DDX39B: variants seen among roughly 807,000 people sequenced by gnomAD.
The protein encoded by DDX39B is DExD-box helicase 39B.
In DDX39B, 6 loss-of-function variants were observed where a neutral mutation model predicts 46.4. The observed-to-expected ratio is 0.13, with a 90% CI of 0.07 to 0.26. The LOEUF is 0.26. DDX39B is among the 10% of genes least tolerant of loss of function. The pLI is 1.00. For synonymous variants in DDX39B, 174 were observed against 199.4 expected, an observed-to-expected ratio of 0.87 and a Z score of 1.07; for missense variants, 185 against 553.4, an observed-to-expected ratio of 0.33 and a Z score of 6.68.
chr6:31,536,255 T>A, intron 5 of DDX39B: 1 of 608,528 alleles, frequency 1.6e-6, no homozygotes. Context: ...TGATGACTTA[T>A]GCCTAAAATT....
At chr6:31,540,765 T>G (rs1315531532) in intron 1 of DDX39B, 101 bp from the exon 2 acceptor site, 1 of 574,012 alleles carries the variant, frequency 1.7e-6, no homozygotes, top group Admixed American at 3.1e-5. Flanking sequence ...AGGAAACTTT[T>G]ACCTGGAAAG....
chr6:31,538,468 A>C (rs1180891102), intron 4 of DDX39B, among the ~76,000 whole-genome samples: 1 of 152,188 alleles, frequency 6.6e-6, no homozygotes, highest in African/African-American at 2.4e-5. Flanking sequence ...AGAATCCTCA[A>C]TATTCACACA....
At chr6:31,540,200 C>T in intron 2 of DDX39B, 122 bp downstream of exon 2, 11 of 1,102,460 alleles carry the variant, frequency 1.0e-5, no homozygotes, top group South Asian at 5.7e-5. Flanking sequence ...TGAGCCACTG[C>T]ACCTGGCCCT....
intron 1 of DDX39B, chr6:31,540,975 G>A (rs940546585): frequency 8.3e-5 from 35 of 423,334 alleles, no homozygotes; most frequent in African/African-American, 6.8e-4. Flanking sequence ...GATAATAAAA[G>A]GTAAAATACG....
At position 31,531,176 on chromosome 6, in the gene DDX39B, A is replaced by G; in HGVS notation, c.999T>C (p.Phe333=). 6.2e-7 allele frequency: 1 copy of G among 1,614,222 alleles called. No individual in the cohort carries two copies. The highest frequency in any genetic ancestry group is 1.1e-5 in the South Asian group (1 of 91,082). The part of the protein sequence containing the change: ...QEERLSRYQQ[F]KDFQRRILVA... Reference sequence around the variant, plus strand: ...CAAGAATTCGTCGTTGAAAATCTTTAAACTGCTGATACCGAGAAAGCCTTT... The same window carrying G: ...CAAGAATTCGTCGTTGAAAATCTTTGAACTGCTGATACCGAGAAAGCCTTT... The change falls in exon 9 of 11, where the codon TTT becomes TTC. Residue 333 remains phenylalanine (F), a synonymous_variant. Transcript: ENST00000396172. The surrounding 1 kb of genome is among the most constrained non-coding windows in gnomAD (Gnocchi z 5.8).
chr6:31,536,754 C>T (rs1767825527), intron 4 of DDX39B, 71 bp from the exon 5 acceptor site: 3 of 1,536,712 alleles, frequency 2.0e-6, no homozygotes, highest in Non-Finnish European at 2.6e-6. Context: ...GGTTCCCACT[C>T]TGTTTGAGCT....
At position 31,539,004 on chromosome 6, in the gene DDX39B, A is replaced by C. The variant is rs112327138; in HGVS notation, c.339+143T>G. On this transcript the variant is annotated intron_variant, in intron 3 of 10. Coordinates refer to ENST00000396172, the MANE Select transcript of DDX39B (RefSeq NM_004640.7). ...TCATGAACCCCACGCTTGCGACAGAACATCCCCCACAGCTGTCAGGTTGTC... is the reference window on the plus strand; with the variant it reads ...TCATGAACCCCACGCTTGCGACAGACCATCCCCCACAGCTGTCAGGTTGTC... 4,602 of 1,509,934 alleles carry C rather than the reference A, an allele frequency of 3.0e-3. 30 individuals carry two copies. The highest frequency in any genetic ancestry group is 2.7e-3 in the Non-Finnish European group (2,881 of 1,086,258). The allele number at this position is 1,509,934 out of a possible 1,614,324, so 93.5% of individuals were successfully genotyped here.
chr6:31,541,737 G>A lies in DDX39B; in HGVS notation c.-133+213C>T, dbSNP rs965274742. Reference sequence around the variant, plus strand: ...AGCAAAACGAACACAATGGCGCCGAGGACACCATCTTGGATTGGGTCCCCC... The same window carrying A: ...AGCAAAACGAACACAATGGCGCCGAAGACACCATCTTGGATTGGGTCCCCC... On this transcript the variant is annotated intron_variant, in intron 1 of 10. Transcript: ENST00000396172. 2.1e-5 allele frequency: 13 copies of A among 618,270 alleles called. No individual in the cohort carries two copies. In the African/African-American group the frequency reaches 2.2e-4, roughly 10 times the overall value. 38.3% of individuals were successfully genotyped at this position (618,270 alleles called of 1,614,324 possible). A position where few individuals can be genotyped will look rare whatever the true frequency, so the allele number is the denominator to read the frequency against.
chr6:31,537,989 C>T (rs1159102005), intron 4 of DDX39B, among the ~76,000 whole-genome samples: 3 of 151,734 alleles, frequency 2.0e-5, no homozygotes, highest in Non-Finnish European at 2.9e-5. Context: ...GAGCTGAGAT[C>T]GCGCCACTAC....
At chr6:31,539,889 G>A (rs1231157533) in intron 2 of DDX39B, among the ~76,000 whole-genome samples, 1 of 152,220 alleles carries the variant, frequency 6.6e-6, no homozygotes, top group African/African-American at 2.4e-5. Flanking sequence ...AGACCTGGAA[G>A]TCACTTTTGG....
chr6:31,537,950 G>A (rs540350959), intron 4 of DDX39B, among the ~76,000 whole-genome samples: 30 of 152,058 alleles, frequency 2.0e-4, no homozygotes, highest in Non-Finnish European at 3.5e-4. Context: ...CGGGAGAATC[G>A]CTTGAACGTG....
intron 4 of DDX39B, among the ~76,000 whole-genome samples, chr6:31,538,511 T>C (rs1742822616): frequency 6.6e-6 from 1 of 152,198 alleles, no homozygotes; most frequent in Non-Finnish European, 1.5e-5. Context: ...TCCGGCTTTC[T>C]CTGCCACATA....
At chr6:31,540,205 G>T in intron 2 of DDX39B, 117 bp downstream of exon 2, 1 of 1,148,366 alleles carries the variant, frequency 8.7e-7, no homozygotes, top group African/African-American at 1.5e-5. Context: ...CACTGCACCT[G>T]GCCCTGATCT....
At chr6:31,538,704 G>A in intron 4 of DDX39B, 59 bp downstream of exon 4, 2 of 1,484,494 alleles carry the variant, frequency 1.3e-6, no homozygotes, top group Non-Finnish European at 1.8e-6. Context: ...TGGCCTACAA[G>A]TTTCTTATCC....
chr6:31,537,049 T>C (rs1345527856), intron 4 of DDX39B, among the ~76,000 whole-genome samples: 3 of 152,072 alleles, frequency 2.0e-5, no homozygotes, highest in Non-Finnish European at 1.5e-5. Context: ...AGGCAGAGGT[T>C]GTGGTGAGCC....
intron 4 of DDX39B, among the ~76,000 whole-genome samples, chr6:31,538,060 A>G (rs542059269): frequency 6.6e-6 from 1 of 152,204 alleles, no homozygotes; most frequent in Non-Finnish European, 1.5e-5. Flanking sequence ...AAAATAAAAT[A>G]AAATAACTAA....
chr6:31,539,377 TCTAGTATTTACC>T, intron 2 of DDX39B, 103 bp from the exon 3 acceptor site: 1 of 1,514,922 alleles, frequency 6.6e-7, no homozygotes, highest in Non-Finnish European at 8.9e-7. Flanking sequence ...ATTCTCAAAG[TCTAGTATTTACC>T]TGGTTCTTGC....
Position 31,530,533 on chromosome 6 carries a change from T to C in DDX39B, c.1271-83A>G, listed in dbSNP as rs1030076527. 6.4e-7 allele frequency: 1 copy of C among 1,574,214 alleles called. No individual in the cohort carries two copies. On this transcript the variant is annotated intron_variant, in intron 10 of 10. Coordinates refer to ENST00000396172, the MANE Select transcript of DDX39B (RefSeq NM_004640.7). This position sits in a 1 kb window ranked among gnomAD's most constrained non-coding sequence, Gnocchi z 4.5. ...GAACACACGGCACACATGCAGACAC[T>C]GGTGTACTGCCTGGGTTCAGAGGAC...
In DDX39B at chr6:31,535,501, A is replaced by G. The variant is rs1437380487; in HGVS notation, c.617-16T>C. On this transcript the variant is annotated splice_polypyrimidine_tract_variant and intron_variant, in intron 5 of 10. Transcript: ENST00000396172. The surrounding 1 kb of genome is among the most constrained non-coding windows in gnomAD (Gnocchi z 4.6). ...CGACGCATGTCTACAAGAACAAGGAAAAAAATTGTAGGAGAAAATAAGCAG... is the reference window on the plus strand; with the variant it reads ...CGACGCATGTCTACAAGAACAAGGAGAAAAATTGTAGGAGAAAATAAGCAG... 6.3e-7 allele frequency: 1 copy of G among 1,599,844 alleles called. No homozygotes were observed. Among genetic ancestry groups the G allele is most frequent in the Non-Finnish European group, 8.6e-7 (1 of 1,168,794 alleles).
Sources: gnomAD v4.1 joint callset for allele counts (sites outside exome capture counted in the v4.1 genomes callset) on GRCh38, gnomAD v4.1.1 for gene constraint, Gnocchi (gnomAD v3.1) non-coding constraint, MANE v1.5 for transcripts, NCBI Gene and HGNC (gene_info 2026-07-23, HGNC 2026-07-21) for gene names.